Variants in UNC5D observed in about 807,000 individuals in gnomAD.
UNC5D encodes the protein netrin receptor UNC5D.
In UNC5D, 39 loss-of-function variants were observed where a neutral mutation model predicts 105.4. That is an observed-to-expected ratio of 0.37 (90% confidence interval 0.29 to 0.48). The LOEUF is 0.48. Ranked by LOEUF, UNC5D falls within the 20% of genes least tolerant of loss-of-function variation. The pLI, the probability that UNC5D is intolerant of heterozygous loss-of-function variation, is 0.98. For missense variants in UNC5D, 991 were observed against 1,202.4 expected (o/e 0.82, Z 2.60); for synonymous variants, 452 against 450.4 (o/e 1.00, Z -0.04).
At chr8:35,717,475 C>T (rs1471880166) in intron 8 of UNC5D, among the ~76,000 whole-genome samples, 2 of 152,140 alleles carry the variant, frequency 1.3e-5, no homozygotes, top group Admixed American at 6.5e-5. Context: ...TAAAGCCATC[C>T]ACCTTGTTAA....
At position 35,460,504 on chromosome 8, in the gene UNC5D, A is replaced by T. The variant is rs144141171; in HGVS notation, c.104-88788A>T. Among the ~76,000 whole-genome samples, 32 of 152,342 alleles carry T rather than the reference A, an allele frequency of 2.1e-4. No homozygotes were observed. The East Asian group carries it at 6.2e-3, about 29-fold the overall frequency. ...GAAATACACATGGCTTCATCAAATT[A>T]TTCGAAATCCCCTGGGTAAGGTAAA... is the stretch of plus-strand genomic sequence containing the variant. On this transcript the variant is annotated intron_variant, in intron 1 of 16. Transcript: ENST00000404895.
chr8:35,318,804 G>A (rs192548136), intron 1 of UNC5D, among the ~76,000 whole-genome samples: 14 of 152,194 alleles, frequency 9.2e-5, no homozygotes, highest in Admixed American at 2.6e-4. Flanking sequence ...TAAGAATACA[G>A]ATTTTGACCA....
intron 1 of UNC5D, among the ~76,000 whole-genome samples, chr8:35,315,126 A>G (rs1809189966): frequency 6.6e-6 from 1 of 152,214 alleles, no homozygotes; most frequent in Admixed American, 6.5e-5. Flanking sequence ...TATAATTATA[A>G]CAGCTTATAT....
chr8:35,425,992 T>C (rs1476863654), intron 1 of UNC5D, among the ~76,000 whole-genome samples: 1 of 152,150 alleles, frequency 6.6e-6, no homozygotes, highest in African/African-American at 2.4e-5. Flanking sequence ...TAACCCTCCA[T>C]GTAACGCCAT....
intron 13 of UNC5D, among the ~76,000 whole-genome samples, chr8:35,758,648 T>C (rs540682971): frequency 3.0e-4 from 46 of 152,280 alleles, no homozygotes; most frequent in Non-Finnish European, 5.9e-4. Flanking sequence ...GTGGATTGAG[T>C]TTGTATTAGA....
At position 35,694,204 on chromosome 8, in the gene UNC5D, G is replaced by A. The variant is rs953828003; in HGVS notation, c.1084+7495G>A. Reference sequence around the variant, plus strand: ...GACAACTTTTACAGATGATATCCCCGAGAAACACTGAACTGGGGACTGTTG... The same window carrying A: ...GACAACTTTTACAGATGATATCCCCAAGAAACACTGAACTGGGGACTGTTG... On this transcript the variant is annotated intron_variant, in intron 7 of 16. Coordinates refer to ENST00000404895, the MANE Select transcript of UNC5D (RefSeq NM_080872.4). Among the ~76,000 whole-genome samples the A allele has an allele frequency of 2.6e-5, 4 of 152,094 alleles. No homozygotes were observed. In the East Asian group the frequency reaches 5.8e-4, roughly 22 times the overall value.
intron 1 of UNC5D, among the ~76,000 whole-genome samples, chr8:35,282,981 C>T (rs184764394): frequency 1.6e-3 from 247 of 152,270 alleles, no homozygotes; most frequent in African/African-American, 5.6e-3. Flanking sequence ...CCTTGACTAA[C>T]ACTTTCAATG....
chr8:35,606,027 G>A (rs532531886), intron 4 of UNC5D, among the ~76,000 whole-genome samples: 18 of 150,202 alleles, frequency 1.2e-4, no homozygotes, highest in South Asian at 2.1e-4. Context: ...TCACTCTGCC[G>A]CCCAGGCTGG....
chr8:35,629,760 C>A (rs1269404258), intron 4 of UNC5D, among the ~76,000 whole-genome samples: 1 of 152,136 alleles, frequency 6.6e-6, no homozygotes, highest in East Asian at 1.9e-4. Context: ...TTCACAAAAA[C>A]AAATACAATT....
intron 7 of UNC5D, among the ~76,000 whole-genome samples, chr8:35,702,151 C>T (rs1827246467): frequency 6.6e-6 from 1 of 151,948 alleles, no homozygotes; most frequent in African/African-American, 2.4e-5. Context: ...GGGAAAACTG[C>T]TATGATTTTT....
intron 4 of UNC5D, among the ~76,000 whole-genome samples, chr8:35,627,990 G>A (rs1417218585): frequency 6.6e-6 from 1 of 151,990 alleles, no homozygotes; most frequent in African/African-American, 2.4e-5. Context: ...TTTGATTGGG[G>A]GTGTGGTTGA....
chr8:35,724,404 C>G, intron 9 of UNC5D: 1 of 1,205,442 alleles, frequency 8.3e-7, no homozygotes, highest in South Asian at 1.7e-5. Flanking sequence ...ACATCCAGTG[C>G]CCCGGCAAGG....
intron 7 of UNC5D, among the ~76,000 whole-genome samples, chr8:35,694,951 T>A (rs1405017505): frequency 6.6e-6 from 1 of 152,188 alleles, no homozygotes; most frequent in African/African-American, 2.4e-5. Flanking sequence ...TGCAAGAGTA[T>A]CAACAGTGAG....
chr8:35,623,728 A>G (rs1378753726), intron 4 of UNC5D, among the ~76,000 whole-genome samples: 1 of 152,200 alleles, frequency 6.6e-6, no homozygotes, highest in Non-Finnish European at 1.5e-5. Flanking sequence ...TTTCATTTAG[A>G]AGCAGGCATT....
intron 1 of UNC5D, among the ~76,000 whole-genome samples, chr8:35,366,584 CA>C (rs773586154): frequency 1.3e-4 from 20 of 151,996 alleles, no homozygotes; most frequent in Non-Finnish European, 2.1e-4. Flanking sequence ...TCTTTGTTTG[CA>C]AAGGCTATAT....
intron 1 of UNC5D, among the ~76,000 whole-genome samples, chr8:35,381,611 A>C (rs1672646772): frequency 6.6e-6 from 1 of 152,214 alleles, no homozygotes; most frequent in Non-Finnish European, 1.5e-5. Flanking sequence ...ATATTCTTTT[A>C]AGTTTCATTA....
At chr8:35,457,903 T>C (rs1001262183) in intron 1 of UNC5D, among the ~76,000 whole-genome samples, 4 of 152,150 alleles carry the variant, frequency 2.6e-5, no homozygotes, top group African/African-American at 9.7e-5. Context: ...GGTCTTGGAA[T>C]TTCTACACAA....
intron 1 of UNC5D, among the ~76,000 whole-genome samples, chr8:35,455,856 G>A (rs1808455768): frequency 6.6e-6 from 1 of 151,964 alleles, no homozygotes; most frequent in African/African-American, 2.4e-5. Context: ...AGAACAATAT[G>A]GGGAAAACTA....
At chr8:35,252,062 C>T (rs1039126297) in intron 1 of UNC5D, among the ~76,000 whole-genome samples, 5 of 135,674 alleles carry the variant, frequency 3.7e-5, no homozygotes, top group African/African-American at 1.4e-4. Flanking sequence ...CTCACTGTTG[C>T]CCAGGCTGGA....
Sources: gnomAD v4.1 joint callset for allele counts (sites outside exome capture counted in the v4.1 genomes callset) on GRCh38, gnomAD v4.1.1 for gene constraint, MANE v1.5 for transcripts, NCBI Gene and HGNC (gene_info 2026-07-23, HGNC 2026-07-21) for gene names.